The following SLC12A2 variants were observed in gnomAD, a reference collection of about 807,000 sequenced individuals.
SLC12A2 encodes the protein Na-K-2Cl cotransporter 1.
In SLC12A2, 67 loss-of-function variants were observed where a neutral mutation model predicts 136.3. The observed-to-expected ratio is 0.49, with a 90% CI of 0.40 to 0.60. SLC12A2 has a LOEUF of 0.60. Ranked by LOEUF, SLC12A2 falls within the 20% of genes least tolerant of loss-of-function variation. The probability of loss-of-function intolerance (pLI) is 0.00; values close to 1 mark genes in which losing one functional copy is unlikely to be tolerated. For synonymous variants in SLC12A2, 619 were observed against 562.9 expected, an observed-to-expected ratio of 1.10 and a Z score of -1.41; for missense variants, 1,322 against 1,534.7, an observed-to-expected ratio of 0.86 and a Z score of 2.32.
At chr5:128,180,193 A>G (rs964778543) in intron 22 of SLC12A2, among the ~76,000 whole-genome samples, 1 of 151,334 alleles carries the variant, frequency 6.6e-6, no homozygotes, top group African/African-American at 2.4e-5. Flanking sequence ...GATGGTCTCG[A>G]TCTCCTGACC....
In SLC12A2 at chr5:128,161,301, A is replaced by C. The variant is rs116138595; in HGVS notation, c.2476-359A>C. On this transcript the variant is annotated intron_variant, in intron 16 of 26. Transcript: ENST00000262461. ...CAGACATTTGGGAGTAACAAAAACA[A>C]AACTAGGGAAACTTTCTGTAGAAAA... 9.5e-3 allele frequency among the ~76,000 whole-genome samples: 1,449 copies of C among 152,324 alleles called. 25 individuals carry two copies. Among genetic ancestry groups the C allele is most frequent in the African/African-American group, 0.033 (1,375 of 41,576 alleles).
intron 4 of SLC12A2, among the ~76,000 whole-genome samples, chr5:128,117,321 G>A (rs1761385952): frequency 6.6e-6 from 1 of 152,092 alleles, no homozygotes; most frequent in African/African-American, 2.4e-5. Context: ...AACTGATTTG[G>A]ATGAAAATAT....
rs374497400 is a variant in SLC12A2 at position 128,147,654 on chromosome 5, A to G, written c.1806A>G (p.Leu602=). 8 of 1,609,940 alleles carry G rather than the reference A, an allele frequency of 5.0e-6. No homozygotes were observed. The highest frequency in any genetic ancestry group is 6.8e-6 in the Non-Finnish European group (8 of 1,177,060). ...GTATGGTGTCAGGATTTACACCACT[A>G]ATTTCTGCAGGTATATTTTCAGCCA... ...VMSMVSGFTP[L]ISAGIFSATL... The change falls in exon 11 of 27, where the codon CTA becomes CTG. Residue 602 remains leucine (L), a synonymous_variant. Transcript: ENST00000262461.
At chr5:128,182,174 A>G (rs971925791) in intron 23 of SLC12A2, among the ~76,000 whole-genome samples, 3 of 152,184 alleles carry the variant, frequency 2.0e-5, no homozygotes, top group South Asian at 2.1e-4. Context: ...TCAAACCTAT[A>G]GCAGATCTGT....
chr5:128,109,868 G>A, intron 1 of SLC12A2: 1 of 787,762 alleles, frequency 1.3e-6, no homozygotes, highest in South Asian at 1.3e-5. Flanking sequence ...TATTTTAAAA[G>A]AGCCAGTGTG....
intron 1 of SLC12A2, chr5:128,110,532 C>T (rs1308479095): frequency 7.2e-7 from 1 of 1,392,246 alleles, no homozygotes; most frequent in Non-Finnish European, 1.0e-6. Context: ...TGTATGGTCC[C>T]ATTGTGAAAC....
intron 4 of SLC12A2, among the ~76,000 whole-genome samples, chr5:128,120,171 A>G (rs1581081651): frequency 1.3e-5 from 2 of 152,130 alleles, no homozygotes; most frequent in South Asian, 4.1e-4. Context: ...ACCATCTCAC[A>G]CCAGTTAGAA....
intron 4 of SLC12A2, among the ~76,000 whole-genome samples, chr5:128,120,372 G>T (rs1373236358): frequency 6.7e-6 from 1 of 148,528 alleles, no homozygotes; most frequent in Non-Finnish European, 1.5e-5. Context: ...TATACCCAAA[G>T]GACTATAAAT....
At chr5:128,142,137 C>T (rs1762386650) in intron 10 of SLC12A2, among the ~76,000 whole-genome samples, 156 bp downstream of exon 10, 1 of 152,134 alleles carries the variant, frequency 6.6e-6, no homozygotes, top group East Asian at 1.9e-4. Context: ...GAGTCTCACT[C>T]TGTCGCCCAG....
intron 15 of SLC12A2, 198 bp from the exon 16 acceptor site, chr5:128,157,855 T>C: frequency 2.0e-6 from 1 of 508,016 alleles, no homozygotes. Context: ...ACATTTGGCA[T>C]GATGTTTGTT....
At position 128,126,966 on chromosome 5, in the gene SLC12A2, A is replaced by ATATATATATAATTTT; in HGVS notation, c.1049-4100_1049-4099insATATATATAATTTTT. 3.0e-3 allele frequency among the ~76,000 whole-genome samples: 64 copies of ATATATATATAATTTT among 21,158 alleles called. 1 individual carries two copies. The highest frequency in any genetic ancestry group is 7.4e-3 in the African/African-American group (30 of 4,030). The allele number at this position is 21,158 out of a possible 152,430, so 13.9% of individuals were successfully genotyped here. Reference sequence around the variant, plus strand: ...CATATATATATATATATATATATATATTTTTTTTTTTTTTTTTTTTTGCAT... The same window carrying ATATATATATAATTTT: ...CATATATATATATATATATATATATATATATATATAATTTTTTTTTTTTTTTTTTTTTTTTTGCAT... On this transcript the variant is annotated intron_variant, in intron 4 of 26. Coordinates refer to ENST00000262461, the MANE Select transcript of SLC12A2 (RefSeq NM_001046.3).
chr5:128,118,345 A>G (rs1209961525), intron 4 of SLC12A2, among the ~76,000 whole-genome samples: 1 of 152,342 alleles, frequency 6.6e-6, no homozygotes, highest in East Asian at 1.9e-4. Flanking sequence ...CAGTGAGTGG[A>G]TAAAGAAAAT....
At chr5:128,093,414 C>T (rs1760411236) in intron 1 of SLC12A2, among the ~76,000 whole-genome samples, 1 of 152,160 alleles carries the variant, frequency 6.6e-6, no homozygotes, top group African/African-American at 2.4e-5. Context: ...CCACACTCCT[C>T]TGAGTTCTGG....
chr5:128,085,208 T>C (rs1027437975), intron 1 of SLC12A2, among the ~76,000 whole-genome samples: 1 of 152,114 alleles, frequency 6.6e-6, no homozygotes, highest in Non-Finnish European at 1.5e-5. Context: ...GTTTATGGTC[T>C]ATGAGTTATT....
intron 5 of SLC12A2, among the ~76,000 whole-genome samples, chr5:128,132,698 A>G (rs572225471): frequency 1.3e-5 from 2 of 152,304 alleles, no homozygotes; most frequent in South Asian, 2.1e-4. Flanking sequence ...AAAATCTGAC[A>G]AGGATTGACA....
At chr5:128,118,223 CCAAA>C (rs1173989862) in intron 4 of SLC12A2, among the ~76,000 whole-genome samples, 1 of 151,832 alleles carries the variant, frequency 6.6e-6, no homozygotes, top group African/African-American at 2.4e-5. Flanking sequence ...GGTAATCTAC[CCAAA>C]CAAAGGAAAA....
At chr5:128,099,866 A>G (rs1303104182) in intron 1 of SLC12A2, among the ~76,000 whole-genome samples, 1 of 152,152 alleles carries the variant, frequency 6.6e-6, no homozygotes, top group African/African-American at 2.4e-5. Flanking sequence ...ATAACAGTAT[A>G]CATTCCTTCT....
chr5:128,154,016 TGA>T (rs1301862342), intron 15 of SLC12A2, among the ~76,000 whole-genome samples: 1 of 147,998 alleles, frequency 6.8e-6, no homozygotes, highest in East Asian at 2.0e-4. Flanking sequence ...ATCCTAGAAC[TGA>T]GAGTATGACC....
intron 4 of SLC12A2, among the ~76,000 whole-genome samples, chr5:128,126,966 A>ATATATATATAATTT: frequency 1.6e-3 from 33 of 21,158 alleles, no homozygotes; most frequent in African/African-American, 7.9e-3. Context: ...ATATATATAT[A>ATATATATATAATTT]TTTTTTTTTT....
Sources: gnomAD v4.1 joint callset for allele counts (sites outside exome capture counted in the v4.1 genomes callset) on GRCh38, gnomAD v4.1.1 for gene constraint, MANE v1.5 for transcripts, NCBI Gene and HGNC (gene_info 2026-07-23, HGNC 2026-07-21) for gene names.